Variants in CELF2 observed in about 807,000 individuals in gnomAD.
CELF2 encodes CUGBP Elav-like family member 2.
A neutral mutation model predicts 62.6 loss-of-function variants in CELF2; 8 were observed. The observed-to-expected ratio is 0.13, with a 90% confidence interval of 0.07 to 0.23. The LOEUF (loss-of-function observed/expected upper bound fraction) is 0.23. CELF2 is among the 10% of genes least tolerant of loss of function. The probability of loss-of-function intolerance (pLI) is 1.00; values close to 1 mark genes in which losing one functional copy is unlikely to be tolerated. For missense variants in CELF2, 333 were observed against 671.0 expected (o/e 0.50, Z 5.56); for synonymous variants, 258 against 250.0 (o/e 1.03, Z -0.30).
rs1230057179 is a variant in CELF2 at position 11,275,085 on chromosome 10, A to C, written c.806A>C (p.Asn269Thr). ...ALLQQATSSS[N>T]LGAFSGIQQM... Reference sequence around the variant, plus strand: ...CTGCAGCAGGCCACCTCCTCCAGCAACCTGGGTGCGTTCAGCGGCATTCAA... The same window carrying C: ...CTGCAGCAGGCCACCTCCTCCAGCACCCTGGGTGCGTTCAGCGGCATTCAA... The change falls in exon 8 of 13, where the codon AAC (asparagine) becomes ACC (threonine). Residue 269 changes from asparagine to threonine, a missense_variant. This residue lies in a region of CELF2 where 253 missense variants were observed against 503.0 expected (regional missense o/e 0.50). Transcript: ENST00000633077. 2 of 1,614,170 alleles carry C rather than the reference A, an allele frequency of 1.2e-6. No homozygotes were observed. The highest frequency in any genetic ancestry group is 2.2e-5 in the South Asian group (2 of 91,076).
At chr10:10,617,502 T>G in the CELF2 span, among the ~76,000 whole-genome samples, 1,043 of 152,264 alleles carry the variant, frequency 6.8e-3, 6 homozygotes, top group South Asian at 0.035. Flanking sequence ...TTCTAGATAC[T>G]GGATTGGAAA....
chr10:10,505,426 G>T, the CELF2 span, among the ~76,000 whole-genome samples: 1 of 152,084 alleles, frequency 6.6e-6, no homozygotes, highest in African/African-American at 2.4e-5. Flanking sequence ...CCACCAGGCT[G>T]CTTCTGATCC....
the CELF2 span, among the ~76,000 whole-genome samples, chr10:10,685,349 A>T: frequency 2.0e-5 from 3 of 152,216 alleles, no homozygotes; most frequent in African/African-American, 7.2e-5. Context: ...TTTCCACAGT[A>T]CTTAAGAGAC....
At chr10:10,772,201 A>T in the CELF2 span, among the ~76,000 whole-genome samples, 1 of 152,016 alleles carries the variant, frequency 6.6e-6, no homozygotes, top group Non-Finnish European at 1.5e-5. Context: ...TGTTCTGAGG[A>T]TCTGTTTTTA....
At position 11,303,093 on chromosome 10, in the gene CELF2, T is replaced by C. The variant is rs79630669; in HGVS notation, c.977-11046T>C. 4.6e-5 allele frequency among the ~76,000 whole-genome samples: 7 copies of C among 152,210 alleles called. No homozygotes were observed. In the East Asian group the frequency reaches 1.3e-3, roughly 29 times the overall value. On this transcript the variant is annotated intron_variant, in intron 9 of 12. Transcript: ENST00000633077. ...TCAGAGGTGGCCCAGCGGAAACTTCTTCCCTAGCCGGCTCTCCTCTGTATC... is the reference window on the plus strand; with the variant it reads ...TCAGAGGTGGCCCAGCGGAAACTTCCTCCCTAGCCGGCTCTCCTCTGTATC...
At chr10:10,761,905 C>CGTGTGTGTGT in the CELF2 span, among the ~76,000 whole-genome samples, 314 of 128,966 alleles carry the variant, frequency 2.4e-3, 2 homozygotes, top group African/African-American at 6.7e-3. Context: ...TATAATAAAC[C>CGTGTGTGTGT]GTGTGTGTGT....
chr10:10,500,629 A>G, the CELF2 span, among the ~76,000 whole-genome samples: 1 of 152,136 alleles, frequency 6.6e-6, no homozygotes, highest in African/African-American at 2.4e-5. Flanking sequence ...CTTTTTCCTT[A>G]TAAATTGCCC....
chr10:10,516,044 T>C, the CELF2 span, among the ~76,000 whole-genome samples: 5 of 152,174 alleles, frequency 3.3e-5, no homozygotes, highest in African/African-American at 1.2e-4. Flanking sequence ...AAGCAGATAC[T>C]GGACTGAGGA....
At chr10:11,027,195 C>G (rs190214134) in intron 1 of CELF2, among the ~76,000 whole-genome samples, 107 of 152,324 alleles carry the variant, frequency 7.0e-4, no homozygotes, top group Admixed American at 1.2e-3. Context: ...AGCTCTGTCT[C>G]AAAGCAGTTT....
chr10:11,105,655 A>G (rs753595286), intron 1 of CELF2, among the ~76,000 whole-genome samples: 14 of 152,172 alleles, frequency 9.2e-5, no homozygotes, highest in South Asian at 2.1e-4. Flanking sequence ...CCCCAGCTCA[A>G]TGTAAATGTT....
chr10:10,557,293 C>A, the CELF2 span, among the ~76,000 whole-genome samples: 1 of 150,542 alleles, frequency 6.6e-6, no homozygotes, highest in South Asian at 2.1e-4. Context: ...AATAGGGAAT[C>A]CTTTCCCCAT....
intron 1 of CELF2, among the ~76,000 whole-genome samples, chr10:11,114,858 A>G (rs570371216): frequency 8.5e-5 from 13 of 152,366 alleles, no homozygotes; most frequent in African/African-American, 3.1e-4. Context: ...AAAACATACA[A>G]CTAAAACATC....
chr10:10,756,459 T>C, the CELF2 span, among the ~76,000 whole-genome samples: 137 of 152,340 alleles, frequency 9.0e-4, no homozygotes, highest in African/African-American at 3.2e-3. Context: ...ATTTTTATTT[T>C]CACTTTTTCT....
chr10:10,498,520 G>C, the CELF2 span, among the ~76,000 whole-genome samples: 1 of 152,226 alleles, frequency 6.6e-6, no homozygotes, highest in East Asian at 1.9e-4. Context: ...AAAGCATAGT[G>C]TAAGGAGACT....
intron 1 of CELF2, among the ~76,000 whole-genome samples, chr10:11,144,058 T>G (rs1348763857): frequency 6.6e-6 from 1 of 152,172 alleles, no homozygotes; most frequent in Non-Finnish European, 1.5e-5. Context: ...TTTTCATTTT[T>G]GGGTTCACTC....
chr10:10,659,672 A>T, the CELF2 span, among the ~76,000 whole-genome samples: 26 of 152,242 alleles, frequency 1.7e-4, no homozygotes, highest in African/African-American at 6.3e-4. Flanking sequence ...AACAGAATTG[A>T]CTTCCAGACA....
At chr10:10,831,368 G>C (rs755849691) in intron 1 of CELF2, among the ~76,000 whole-genome samples, 1 of 152,200 alleles carries the variant, frequency 6.6e-6, no homozygotes, top group Non-Finnish European at 1.5e-5. Context: ...CCGAAGCCAC[G>C]CTGCCCTTCC....
chr10:11,058,998 G>A (rs184368461), intron 1 of CELF2, among the ~76,000 whole-genome samples: 1 of 152,266 alleles, frequency 6.6e-6, no homozygotes, highest in African/African-American at 2.4e-5. Flanking sequence ...GCGTAGGCTG[G>A]TCTCAAACTC....
At chr10:10,468,746 C>T in the CELF2 span, among the ~76,000 whole-genome samples, 1 of 151,926 alleles carries the variant, frequency 6.6e-6, no homozygotes. Flanking sequence ...TGTTCTCATC[C>T]CTCCTTTAAA....
Sources: gnomAD v4.1 joint callset for allele counts (sites outside exome capture counted in the v4.1 genomes callset) on GRCh38, gnomAD v4.1.1 for gene constraint, gnomAD v4.1.1 regional missense constraint, MANE v1.5 for transcripts, NCBI Gene and HGNC (gene_info 2026-07-23, HGNC 2026-07-21) for gene names.